Variants in CSMD1 observed in about 807,000 individuals in gnomAD.
CSMD1 encodes CUB and sushi domain-containing protein 1.
In CSMD1, 213 loss-of-function variants were observed where a neutral mutation model predicts 417.5. That is an observed-to-expected ratio of 0.51 (90% confidence interval 0.46 to 0.57). The LOEUF is 0.57. Ranked by LOEUF, CSMD1 falls within the 20% of genes least tolerant of loss-of-function variation. CSMD1 has a pLI of 0.00. For synonymous variants in CSMD1, 2,862 were observed against 1,736.8 expected (o/e 1.65, Z -16.11); for missense variants, 6,923 against 4,529.7 (o/e 1.53, Z -15.17).
chr8:4,160,043 T>G (rs1223643147), intron 3 of CSMD1, among the ~76,000 whole-genome samples: 1 of 151,834 alleles, frequency 6.6e-6, no homozygotes, highest in South Asian at 2.1e-4. Flanking sequence ...CAAAGAACTT[T>G]CATGTAACCA....
chr8:3,798,131 A>G (rs563963638), intron 5 of CSMD1, among the ~76,000 whole-genome samples: 2 of 152,054 alleles, frequency 1.3e-5, no homozygotes, highest in African/African-American at 4.8e-5. Flanking sequence ...AATTCAGTAT[A>G]TAAATATGTT....
At chr8:3,234,060 A>G (rs536625069) in intron 26 of CSMD1, among the ~76,000 whole-genome samples, 12 of 152,222 alleles carry the variant, frequency 7.9e-5, no homozygotes, top group African/African-American at 2.6e-4. Context: ...AGGGTCTCCT[A>G]TGATATTTTC....
intron 3 of CSMD1, among the ~76,000 whole-genome samples, chr8:4,217,327 T>C (rs1169558359): frequency 6.6e-6 from 1 of 152,226 alleles, no homozygotes; most frequent in Non-Finnish European, 1.5e-5. Context: ...GTGTGCCAGG[T>C]GCTGCCTTGG....
At chr8:4,574,669 C>G (rs1444799215) in intron 2 of CSMD1, among the ~76,000 whole-genome samples, 2 of 152,192 alleles carry the variant, frequency 1.3e-5, no homozygotes, top group Non-Finnish European at 2.9e-5. Context: ...TTTGAATTAG[C>G]TATACGCTCT....
intron 3 of CSMD1, among the ~76,000 whole-genome samples, chr8:4,125,529 G>C (rs1249058541): frequency 6.6e-6 from 1 of 152,166 alleles, no homozygotes; most frequent in Non-Finnish European, 1.5e-5. Flanking sequence ...AGACTGTCAG[G>C]GGCGCGCAGC....
chr8:4,423,323 C>T (rs1224824421), intron 2 of CSMD1, among the ~76,000 whole-genome samples: 1 of 151,990 alleles, frequency 6.6e-6, no homozygotes, highest in Non-Finnish European at 1.5e-5. Context: ...AAGGAATCTA[C>T]AAGAAAATTT....
intron 1 of CSMD1, among the ~76,000 whole-genome samples, chr8:4,776,387 C>T (rs974491613): frequency 4.6e-5 from 7 of 152,064 alleles, no homozygotes; most frequent in Admixed American, 1.3e-4. Context: ...ATCTACTATA[C>T]GTTAACTCAG....
At chr8:3,187,240 A>C (rs113537013) in intron 36 of CSMD1, among the ~76,000 whole-genome samples, 5,478 of 152,308 alleles carry the variant, frequency 0.036, 158 homozygotes, top group East Asian at 0.18. Context: ...AGTGAAAGAA[A>C]GCGGTGTCAT....
chr8:4,200,582 C>A (rs970440998), intron 3 of CSMD1, among the ~76,000 whole-genome samples: 1 of 151,446 alleles, frequency 6.6e-6, no homozygotes. Flanking sequence ...TCTTGGCGGG[C>A]CTGGAGGCTC....
At chr8:3,347,842 C>G in intron 22 of CSMD1, 150 bp downstream of exon 22, 2 of 547,092 alleles carry the variant, frequency 3.7e-6, no homozygotes, top group Non-Finnish European at 5.9e-6. Context: ...ATTACACCTT[C>G]TCAAACTCAT....
intron 5 of CSMD1, among the ~76,000 whole-genome samples, chr8:3,935,666 A>G (rs1359469822): frequency 6.6e-6 from 1 of 152,094 alleles, no homozygotes; most frequent in Non-Finnish European, 1.5e-5. Context: ...TAGTCAATAA[A>G]TGTGTGTGTT....
At chr8:4,377,384 T>C (rs191094103) in intron 3 of CSMD1, among the ~76,000 whole-genome samples, 45 of 152,320 alleles carry the variant, frequency 3.0e-4, no homozygotes, top group Middle Eastern at 3.4e-3. Flanking sequence ...TTTCTTTTAG[T>C]CGTTATATCT....
intron 63 of CSMD1, among the ~76,000 whole-genome samples, chr8:2,957,017 T>G (rs1803062895): frequency 6.6e-6 from 1 of 152,084 alleles, no homozygotes; most frequent in Admixed American, 6.5e-5. Flanking sequence ...AACATTCTAT[T>G]AATGTTTTTA....
intron 12 of CSMD1, among the ~76,000 whole-genome samples, chr8:3,421,113 GA>G (rs1813461963): frequency 6.6e-6 from 1 of 152,144 alleles, no homozygotes. Context: ...TTTTCAGTAT[GA>G]AAAAATGAAA....
intron 3 of CSMD1, among the ~76,000 whole-genome samples, chr8:4,331,539 G>T (rs148564490): frequency 6.6e-6 from 1 of 152,208 alleles, no homozygotes; most frequent in East Asian, 1.9e-4. Context: ...ATTTGTGTAA[G>T]CCTGGCAGTA....
intron 26 of CSMD1, among the ~76,000 whole-genome samples, chr8:3,262,191 A>ATCTATATATATATATATATATATATATC (rs1803392785): frequency 1.8e-5 from 1 of 55,374 alleles, no homozygotes; most frequent in African/African-American, 6.9e-5. Flanking sequence ...ATGAATATAT[A>ATCTATATATATATATATATATATATATC]TATATATATA....
chr8:4,342,039 A>T (rs1054834828), intron 3 of CSMD1, among the ~76,000 whole-genome samples: 1 of 152,118 alleles, frequency 6.6e-6, no homozygotes, highest in Non-Finnish European at 1.5e-5. Context: ...CAAATTCTTG[A>T]TATGAATTTG....
chr8:4,200,763 G>C (rs1054623304), intron 3 of CSMD1, among the ~76,000 whole-genome samples: 1 of 152,174 alleles, frequency 6.6e-6, no homozygotes, highest in African/African-American at 2.4e-5. Flanking sequence ...TCTGGCGACT[G>C]AGATGGGAGG....
intron 12 of CSMD1, among the ~76,000 whole-genome samples, chr8:3,415,322 C>T (rs1372890848): frequency 6.6e-6 from 1 of 152,008 alleles, no homozygotes; most frequent in Non-Finnish European, 1.5e-5. Context: ...AACCATAGTA[C>T]CATGTTGTAT....
Sources: gnomAD v4.1 joint callset for allele counts (sites outside exome capture counted in the v4.1 genomes callset) on GRCh38, gnomAD v4.1.1 for gene constraint, MANE v1.5 for transcripts, NCBI Gene and HGNC (gene_info 2026-07-23, HGNC 2026-07-21) for gene names.